Variants in RGS5 observed in about 807,000 individuals in gnomAD.
RGS5 encodes the protein regulator of G protein signaling 5, also known as regulator of G-protein signalling 5.
RGS5 carries 20 observed loss-of-function variants against 18.9 expected under a neutral mutation model. The ratio of observed to expected loss-of-function variants is 1.06; its 90% CI spans 0.74 to 1.54. The LOEUF is 1.54. Ranked by LOEUF, RGS5 falls within the 40% of genes most tolerant of loss-of-function variation. The pLI is 0.00. For synonymous variants in RGS5, 57 were observed against 76.2 expected (o/e 0.75, Z 1.31); for missense variants, 201 against 211.8 (o/e 0.95, Z 0.32).
upstream of RGS5, among the ~76,000 whole-genome samples, chr1:163,220,811 C>G (rs1302039147): frequency 6.6e-6 from 1 of 152,038 alleles, no homozygotes; most frequent in Admixed American, 6.6e-5. Flanking sequence ...AAGAGCAAGG[C>G]AGGAGGATCA....
chr1:163,223,607 A>G (rs1323271136), intron 2 of RGS5, among the ~76,000 whole-genome samples: 2 of 152,170 alleles, frequency 1.3e-5, no homozygotes, highest in Non-Finnish European at 2.9e-5. Context: ...CTCATTAGAC[A>G]TAGCCCAAGT....
intron 2 of RGS5, among the ~76,000 whole-genome samples, chr1:163,270,353 A>G (rs1402941318): frequency 0.016 from 375 of 24,164 alleles, no homozygotes; most frequent in African/African-American, 0.044. Context: ...CTCTATTGAG[A>G]AAAAAAAAAA....
chr1:163,318,491 A>G (rs1411582315), intron 1 of RGS5, among the ~76,000 whole-genome samples: 1 of 152,204 alleles, frequency 6.6e-6, no homozygotes, highest in South Asian at 2.1e-4. Flanking sequence ...GACAAATTAG[A>G]GTTTGAAGGG....
chr1:163,165,829 C>A (rs1658017239), intron 2 of RGS5, among the ~76,000 whole-genome samples: 1 of 152,028 alleles, frequency 6.6e-6, no homozygotes, highest in Admixed American at 6.6e-5. Flanking sequence ...TCGCTTGAAC[C>A]CGGGAGGTGG....
chr1:163,304,912 T>A (rs948719196), intron 2 of RGS5: 1 of 152,214 alleles, frequency 6.6e-6, no homozygotes, highest in African/African-American at 2.4e-5. Context: ...TTCAAGAGTG[T>A]TTATAAGATA....
chr1:163,175,241 C>T (rs1658495122), intron 1 of RGS5, among the ~76,000 whole-genome samples: 1 of 152,058 alleles, frequency 6.6e-6, no homozygotes, highest in Admixed American at 6.6e-5. Context: ...CTCTGAGTTC[C>T]GTGCAGCTGA....
At chr1:163,174,244 A>G (rs113899257) in intron 1 of RGS5, among the ~76,000 whole-genome samples, 9 of 152,314 alleles carry the variant, frequency 5.9e-5, no homozygotes, top group African/African-American at 2.2e-4. Context: ...TTATATCTCC[A>G]TATGTATATG....
chr1:163,257,277 G>C (rs1648298556), intron 2 of RGS5, among the ~76,000 whole-genome samples: 2 of 152,106 alleles, frequency 1.3e-5, no homozygotes, highest in South Asian at 4.2e-4. Context: ...CCCACAGGAG[G>C]GGGACCTGGG....
chr1:163,305,585 C>G (rs887186400), intron 2 of RGS5, among the ~76,000 whole-genome samples: 1 of 152,198 alleles, frequency 6.6e-6, no homozygotes, highest in Non-Finnish European at 1.5e-5. Flanking sequence ...TGCAGAACAT[C>G]TAAATGATTA....
At chr1:163,279,749 GAAAATTGA>G (rs1233417304) in intron 2 of RGS5, among the ~76,000 whole-genome samples, 1 of 151,488 alleles carries the variant, frequency 6.6e-6, no homozygotes, top group Non-Finnish European at 1.5e-5. Flanking sequence ...ATAAGATAAA[GAAAATTGA>G]CAAACCATTA....
chr1:163,198,970 A>G (rs1659676213), intron 1 of RGS5, among the ~76,000 whole-genome samples: 1 of 152,100 alleles, frequency 6.6e-6, no homozygotes. Context: ...TGCCTGGCCA[A>G]TAGTAACATT....
intron 1 of RGS5, among the ~76,000 whole-genome samples, chr1:163,188,509 G>T (rs537706166): frequency 2.3e-4 from 35 of 152,324 alleles, no homozygotes; most frequent in African/African-American, 8.4e-4. Flanking sequence ...TCATTTTATA[G>T]ATTGGTATCA....
intron 1 of RGS5, among the ~76,000 whole-genome samples, chr1:163,217,000 G>A (rs1212219440): frequency 7.2e-5 from 11 of 152,168 alleles, no homozygotes; most frequent in African/African-American, 1.7e-4. Context: ...ACCAAATACC[G>A]CATGGTCTCA....
chr1:163,163,829 G>C (rs1395959491), intron 2 of RGS5, among the ~76,000 whole-genome samples: 1 of 152,182 alleles, frequency 6.6e-6, no homozygotes, highest in African/African-American at 2.4e-5. Context: ...TTTACTCACA[G>C]GATCTCCTGA....
chr1:163,245,152 G>A (rs1647893816), intron 2 of RGS5: 1 of 152,136 alleles, frequency 6.6e-6, no homozygotes, highest in Non-Finnish European at 1.5e-5. Flanking sequence ...AATATTCATA[G>A]CTTTAAAATT....
chr1:163,255,796 G>C (rs1271378015), intron 2 of RGS5, among the ~76,000 whole-genome samples: 7 of 151,778 alleles, frequency 4.6e-5, no homozygotes, highest in Non-Finnish European at 7.4e-5. Context: ...GGGATGCAAG[G>C]CTGGTTCAAT....
intron 1 of RGS5, among the ~76,000 whole-genome samples, chr1:163,311,175 A>G (rs1473310390): frequency 6.6e-6 from 1 of 152,242 alleles, no homozygotes; most frequent in East Asian, 1.9e-4. Context: ...AACCTCTGCT[A>G]GCTTCAAACT....
In RGS5 at chr1:163,145,732, C is replaced by T. The variant is rs1395960; in HGVS notation, c.*1610G>A. 0.19 allele frequency: 29,558 copies of T among 152,056 alleles called. 4,522 individuals carry two copies. Among genetic ancestry groups the T allele is most frequent in the African/African-American group, 0.43 (17,699 of 41,426 alleles). The allele number at this position is 152,056 out of a possible 1,614,324, so 9.4% of individuals were successfully genotyped here. A position where few individuals can be genotyped will look rare whatever the true frequency, so the allele number is the denominator to read the frequency against. On this transcript the variant is annotated 3_prime_UTR_variant, in exon 5 of 5. Coordinates refer to ENST00000313961, the MANE Select transcript of RGS5 (RefSeq NM_003617.4). The stretch of plus-strand genomic sequence containing the variant: ...ACAAAAATAGGGAAAATCCAACAAG[C>T]GCAGTCAGTGTTTACCTGAAGAATA...
chr1:163,253,452 G>C (rs1381007858), intron 2 of RGS5, among the ~76,000 whole-genome samples: 1 of 142,206 alleles, frequency 7.0e-6, no homozygotes, highest in African/African-American at 2.5e-5. Flanking sequence ...GGGATTACAG[G>C]TACACGCCAC....
Sources: gnomAD v4.1 joint callset for allele counts (sites outside exome capture counted in the v4.1 genomes callset) on GRCh38, gnomAD v4.1.1 for gene constraint, MANE v1.5 for transcripts, NCBI Gene and HGNC (gene_info 2026-07-23, HGNC 2026-07-21) for gene names.